The following GALNT17 variants were observed in gnomAD, a reference collection of about 807,000 sequenced individuals.
GALNT17 encodes the protein polypeptide N-acetylgalactosaminyltransferase 17, also known as UDP-GalNAc:polypeptide N-acetylgalactosaminyltransferase-like 3.
In GALNT17, 29 loss-of-function variants were observed where a neutral mutation model predicts 63.7. The ratio of observed to expected loss-of-function variants is 0.46; its 90% CI spans 0.34 to 0.62. The LOEUF is 0.62. Among genes scored for constraint, GALNT17 ranks in the 20% least tolerant of loss-of-function variants. The pLI, the probability that GALNT17 is intolerant of heterozygous loss-of-function variation, is 0.01. For synonymous variants in GALNT17, 305 were observed against 318.3 expected, an observed-to-expected ratio of 0.96 and a Z score of 0.45; for missense variants, 603 against 799.6, an observed-to-expected ratio of 0.75 and a Z score of 2.97.
chr7:71,629,108 A>G (rs749253042), intron 6 of GALNT17, among the ~76,000 whole-genome samples: 1 of 152,052 alleles, frequency 6.6e-6, no homozygotes, highest in South Asian at 2.1e-4. Context: ...CTGGTGGAGA[A>G]GAAGGAAAGA....
Position 71,227,784 on chromosome 7 carries a change from A to G in GALNT17, c.238+94744A>G, listed in dbSNP as rs1242977971. Among the ~76,000 whole-genome samples the G allele has an allele frequency of 2.6e-5, 4 of 152,154 alleles. No homozygotes were observed. In the East Asian group the frequency reaches 7.7e-4, roughly 29 times the overall value. ...TGAATTTTTTTATGAGTGATTTGCC[A>G]AAAAACCCATTGCCTGGTGACATTC... is the stretch of plus-strand genomic sequence containing the variant. On this transcript the variant is annotated intron_variant, in intron 1 of 10. Transcript: ENST00000333538.
At chr7:71,707,251 A>G (rs1427526468) in intron 9 of GALNT17, among the ~76,000 whole-genome samples, 2 of 151,998 alleles carry the variant, frequency 1.3e-5, no homozygotes, top group Non-Finnish European at 2.9e-5. Context: ...AACCCCAAAC[A>G]CGTTTTGAGC....
chr7:71,293,691 G>A (rs1791024761), intron 1 of GALNT17, among the ~76,000 whole-genome samples: 1 of 152,140 alleles, frequency 6.6e-6, no homozygotes, highest in Admixed American at 6.5e-5. Context: ...CATTTTAAAA[G>A]GATAGCTTTG....
At chr7:71,197,836 A>C (rs549225928) in intron 1 of GALNT17, among the ~76,000 whole-genome samples, 1 of 151,716 alleles carries the variant, frequency 6.6e-6, no homozygotes, top group South Asian at 2.1e-4. Context: ...GATTTTCTTT[A>C]TTCATTCATC....
At chr7:71,252,588 T>G (rs1248175012) in intron 1 of GALNT17, among the ~76,000 whole-genome samples, 1 of 152,182 alleles carries the variant, frequency 6.6e-6, no homozygotes, top group Non-Finnish European at 1.5e-5. Flanking sequence ...ACTTGTCTCA[T>G]TTAATGTGAC....
chr7:71,478,839 G>A (rs369674728), intron 5 of GALNT17, among the ~76,000 whole-genome samples: 1 of 152,184 alleles, frequency 6.6e-6, no homozygotes. Flanking sequence ...GGCAAAAATT[G>A]TACCAGTGTT....
intron 9 of GALNT17, among the ~76,000 whole-genome samples, chr7:71,689,767 G>A (rs921052569): frequency 6.6e-6 from 1 of 152,190 alleles, no homozygotes; most frequent in African/African-American, 2.4e-5. Flanking sequence ...TTAGAAGAAG[G>A]TGCTATCTAG....
intron 5 of GALNT17, among the ~76,000 whole-genome samples, chr7:71,450,838 C>T (rs1366891647): frequency 6.6e-6 from 1 of 152,048 alleles, no homozygotes; most frequent in Non-Finnish European, 1.5e-5. Flanking sequence ...TTTCTAAGAG[C>T]ATTATATAAG....
At chr7:71,231,938 G>A (rs1326479062) in intron 1 of GALNT17, among the ~76,000 whole-genome samples, 4 of 152,022 alleles carry the variant, frequency 2.6e-5, no homozygotes, top group African/African-American at 9.7e-5. Context: ...GAAATTTAGG[G>A]GAGGCACAGG....
chr7:71,435,717 C>G (rs1016482416), intron 5 of GALNT17, among the ~76,000 whole-genome samples: 4 of 152,048 alleles, frequency 2.6e-5, no homozygotes, highest in African/African-American at 9.7e-5. Context: ...ACCGAAGTTG[C>G]TCTAAAAAAC....
At chr7:71,263,881 A>G (rs1267857942) in intron 1 of GALNT17, among the ~76,000 whole-genome samples, 4 of 152,024 alleles carry the variant, frequency 2.6e-5, no homozygotes, top group East Asian at 1.9e-4. Context: ...CCGAGATCAC[A>G]CCACTGCACT....
intron 1 of GALNT17, among the ~76,000 whole-genome samples, chr7:71,322,962 T>C (rs1468449943): frequency 6.6e-6 from 1 of 152,122 alleles, no homozygotes; most frequent in East Asian, 1.9e-4. Context: ...CCTAGCTGGC[T>C]GAGATACTGT....
Position 71,594,022 on chromosome 7 carries a change from A to ATT in GALNT17, c.1080+22628_1080+22629dup, listed in dbSNP as rs11390465. Among the ~76,000 whole-genome samples, 76 of 150,934 alleles carry ATT rather than the reference A, an allele frequency of 5.0e-4. 1 individual carries two copies. Among genetic ancestry groups the ATT allele is most frequent in the Middle Eastern group, 3.4e-3 (1 of 294 alleles). ...GTGCAGATTTCAGTGAAAAGCTATC[A>ATT]TTTTTTTTTAATGTTTTGGCTCTTG... On this transcript the variant is annotated intron_variant, in intron 6 of 10. Coordinates refer to ENST00000333538, the MANE Select transcript of GALNT17 (RefSeq NM_022479.3).
intron 1 of GALNT17, among the ~76,000 whole-genome samples, chr7:71,327,272 G>A (rs1791721113): frequency 6.6e-6 from 1 of 152,146 alleles, no homozygotes; most frequent in Non-Finnish European, 1.5e-5. Context: ...GAGGTATAAT[G>A]GACTCACAGT....
intron 5 of GALNT17, among the ~76,000 whole-genome samples, chr7:71,564,110 C>CT (rs982768615): frequency 6.6e-6 from 1 of 152,026 alleles, no homozygotes; most frequent in African/African-American, 2.4e-5. Context: ...GCTCCCAGCA[C>CT]TATAGGGAAG....
chr7:71,201,518 T>G (rs1366291221), intron 1 of GALNT17, among the ~76,000 whole-genome samples: 4 of 152,122 alleles, frequency 2.6e-5, no homozygotes, highest in African/African-American at 9.7e-5. Context: ...AGCTTATTTT[T>G]TGGCCACAAA....
Position 71,276,126 on chromosome 7 carries a change from G to T in GALNT17, c.239-59424G>T, listed in dbSNP as rs184745963. On this transcript the variant is annotated intron_variant, in intron 1 of 10. Transcript: ENST00000333538. ...AGACATTATCTGTTTTGTTGGCTGCGGCCTCTCCGGCACCTGAGAACAGCA... is the reference window on the plus strand; with the variant it reads ...AGACATTATCTGTTTTGTTGGCTGCTGCCTCTCCGGCACCTGAGAACAGCA... Among the ~76,000 whole-genome samples the T allele has an allele frequency of 2.0e-5, 3 of 152,244 alleles. No individual in the cohort carries two copies. The East Asian group carries it at 5.8e-4, about 29-fold the overall frequency.
intron 1 of GALNT17, among the ~76,000 whole-genome samples, chr7:71,324,752 C>T (rs975061574): frequency 1.1e-3 from 105 of 92,812 alleles, no homozygotes; most frequent in Non-Finnish European, 1.9e-3. Flanking sequence ...AAAATATATG[C>T]GTGCGTGTAT....
chr7:71,595,074 C>A (rs1333067160), intron 6 of GALNT17, among the ~76,000 whole-genome samples: 1 of 152,098 alleles, frequency 6.6e-6, no homozygotes, highest in Non-Finnish European at 1.5e-5. Context: ...GATGATGTAG[C>A]TCCAAGCCAA....
Sources: gnomAD v4.1 joint callset for allele counts (sites outside exome capture counted in the v4.1 genomes callset) on GRCh38, gnomAD v4.1.1 for gene constraint, MANE v1.5 for transcripts, NCBI Gene and HGNC (gene_info 2026-07-23, HGNC 2026-07-21) for gene names.